The following LRRC37A2 variants were observed in gnomAD, a reference collection of about 807,000 sequenced individuals.
The protein encoded by LRRC37A2 is leucine rich repeat containing 37 member A2, also known as leucine-rich repeat-containing protein 37A2.
A neutral mutation model predicts 68.8 loss-of-function variants in LRRC37A2; 9 were observed. The observed-to-expected ratio is 0.13, with a 90% CI of 0.08 to 0.23. LRRC37A2 has a LOEUF of 0.23. Ranked by LOEUF, LRRC37A2 falls within the 10% of genes least tolerant of loss-of-function variation. The pLI, the probability that LRRC37A2 is intolerant of heterozygous loss-of-function variation, is 1.00. For synonymous variants in LRRC37A2, 63 were observed against 367.6 expected (o/e 0.17, Z 9.48); for missense variants, 168 against 950.4 (o/e 0.18, Z 10.82).
the LRRC37A2 span, among the ~76,000 whole-genome samples, chr17:47,007,427 C>T: frequency 6.6e-6 from 1 of 152,356 alleles, no homozygotes; most frequent in Middle Eastern, 3.4e-3. Flanking sequence ...ATCCACCTGC[C>T]TCTGCCTCCC....
the LRRC37A2 span, among the ~76,000 whole-genome samples, chr17:46,994,163 T>C: frequency 6.6e-6 from 1 of 151,712 alleles, no homozygotes; most frequent in East Asian, 2.0e-4. Context: ...GGTAGGTGGA[T>C]CACCTGAGGT....
At chr17:46,972,835 C>G in the LRRC37A2 span, among the ~76,000 whole-genome samples, 1 of 152,044 alleles carries the variant, frequency 6.6e-6, no homozygotes, top group East Asian at 2.0e-4. Flanking sequence ...AGGGCAGAGC[C>G]TGAGTTGCCT....
the LRRC37A2 span, among the ~76,000 whole-genome samples, chr17:46,981,104 A>C: frequency 6.6e-6 from 1 of 152,230 alleles, no homozygotes; most frequent in African/African-American, 2.4e-5. Context: ...GCAATAATGC[A>C]GGCAAAAGAT....
chr17:47,018,974 T>G, the LRRC37A2 span: 7 of 1,518,894 alleles, frequency 4.6e-6, no homozygotes, highest in African/African-American at 6.9e-5. Context: ...CAACACCAGG[T>G]CAGGATCAAG....
the LRRC37A2 span, chr17:47,017,618 G>C: frequency 2.5e-6 from 4 of 1,587,552 alleles, no homozygotes; most frequent in Admixed American, 6.7e-5. Flanking sequence ...CACAGGAAAG[G>C]CTCCCTGTTT....
At chr17:46,834,295 T>C in the LRRC37A2 span, among the ~76,000 whole-genome samples, 2 of 152,260 alleles carry the variant, frequency 1.3e-5, no homozygotes, top group African/African-American at 4.8e-5. Context: ...GGAAGTGGTG[T>C]CCTGGGCAGT....
chr17:46,492,689 G>GTTTTTTTTTTTTT, the LRRC37A2 span, among the ~76,000 whole-genome samples: 1 of 107,806 alleles, frequency 9.3e-6, no homozygotes, highest in African/African-American at 4.3e-5. Context: ...GTTTTGTTTT[G>GTTTTTTTTTTTTT]TTTTTTTTTT....
the LRRC37A2 span, among the ~76,000 whole-genome samples, chr17:46,622,411 T>C: frequency 6.7e-6 from 1 of 150,202 alleles, no homozygotes. Flanking sequence ...TAAGCCGATA[T>C]CGCACCAGGG....
the LRRC37A2 span, among the ~76,000 whole-genome samples, chr17:46,752,357 T>C: frequency 6.6e-6 from 1 of 152,216 alleles, no homozygotes; most frequent in Non-Finnish European, 1.5e-5. Flanking sequence ...AATACCTCCC[T>C]ATCAAGCCCT....
chr17:46,936,162 C>T, the LRRC37A2 span: 1 of 985,630 alleles, frequency 1.0e-6, no homozygotes, highest in Non-Finnish European at 1.2e-6. Context: ...GCTGGGCGCT[C>T]CCCTTTCATG....
chr17:47,021,761 T>C, the LRRC37A2 span: 1 of 920,314 alleles, frequency 1.1e-6, no homozygotes, highest in Non-Finnish European at 1.7e-6. Flanking sequence ...TGTTTCTGAA[T>C]ATCCCCAACA....
the LRRC37A2 span, among the ~76,000 whole-genome samples, chr17:46,907,875 G>A: frequency 7.3e-5 from 11 of 151,464 alleles, no homozygotes; most frequent in Admixed American, 3.3e-4. Context: ...AAGTGTGTGC[G>A]CTATTTTCTG....
the LRRC37A2 span, among the ~76,000 whole-genome samples, chr17:46,714,187 C>T: frequency 1.3e-5 from 2 of 152,114 alleles, no homozygotes; most frequent in African/African-American, 4.8e-5. Flanking sequence ...TATTGAGTAC[C>T]TTTACCTTCT....
At chr17:46,844,818 C>G in the LRRC37A2 span, among the ~76,000 whole-genome samples, 1 of 151,120 alleles carries the variant, frequency 6.6e-6, no homozygotes, top group Admixed American at 6.6e-5. Context: ...TCCCTTCCTT[C>G]CTTCCTTCCT....
the LRRC37A2 span, among the ~76,000 whole-genome samples, chr17:46,749,053 A>C: frequency 1.3e-5 from 2 of 152,212 alleles, no homozygotes; most frequent in South Asian, 4.1e-4. Flanking sequence ...CCATGGTAGG[A>C]AGTTAGTAAA....
At chr17:47,027,002 C>T in the LRRC37A2 span, among the ~76,000 whole-genome samples, 1 of 152,240 alleles carries the variant, frequency 6.6e-6, no homozygotes, top group Admixed American at 6.5e-5. Context: ...GCTCCACCTC[C>T]TGGGTTCATG....
At chr17:46,740,527 TAA>T in the LRRC37A2 span, among the ~76,000 whole-genome samples, 2 of 152,274 alleles carry the variant, frequency 1.3e-5, no homozygotes, top group African/African-American at 4.8e-5. Context: ...ACTGTGGATA[TAA>T]GAGTGGGGAG....
chr17:46,601,748 T>TG, the LRRC37A2 span, among the ~76,000 whole-genome samples: 1 of 150,592 alleles, frequency 6.6e-6, no homozygotes, highest in Non-Finnish European at 1.5e-5. Flanking sequence ...TCAATAACAC[T>TG]GTTTTAATTG....
At chr17:46,950,431 G>C in the LRRC37A2 span, among the ~76,000 whole-genome samples, 14 of 152,190 alleles carry the variant, frequency 9.2e-5, no homozygotes. Flanking sequence ...CTAAGTGTAT[G>C]ATCAGTGCCA....
Sources: gnomAD v4.1 joint callset for allele counts (sites outside exome capture counted in the v4.1 genomes callset) on GRCh38, gnomAD v4.1.1 for gene constraint, MANE v1.5 for transcripts, NCBI Gene and HGNC (gene_info 2026-07-23, HGNC 2026-07-21) for gene names.